Variants in CNTNAP2 observed in about 807,000 individuals in gnomAD.
CNTNAP2 encodes the protein contactin-associated protein-like 2.
Under a neutral mutation model 155.2 loss-of-function variants are expected in CNTNAP2, and 98 were observed. That is an observed-to-expected ratio of 0.63 (90% CI 0.54 to 0.75). The LOEUF (loss-of-function observed/expected upper bound fraction) is 0.75, where lower values mean the gene tolerates loss of function less well. Among genes scored for constraint, CNTNAP2 ranks in the 30% least tolerant of loss-of-function variants. The pLI, the probability that CNTNAP2 is intolerant of heterozygous loss-of-function variation, is 0.00. For missense variants in CNTNAP2, 1,727 were observed against 1,688.1 expected, an observed-to-expected ratio of 1.02 and a Z score of -0.40; for synonymous variants, 651 against 631.2, an observed-to-expected ratio of 1.03 and a Z score of -0.47.
chr7:147,857,195 T>TAATC (rs1563113312), intron 13 of CNTNAP2, among the ~76,000 whole-genome samples: 1 of 152,234 alleles, frequency 6.6e-6, no homozygotes, highest in East Asian at 1.9e-4. Flanking sequence ...ATGTAAAGGT[T>TAATC]AATCAGGATG....
chr7:146,688,701 T>C (rs1800645808), intron 1 of CNTNAP2, among the ~76,000 whole-genome samples: 1 of 152,134 alleles, frequency 6.6e-6, no homozygotes, highest in Non-Finnish European at 1.5e-5. Flanking sequence ...CTTCAGGCCA[T>C]CTGGATGTAT....
rs761596436 is a variant in CNTNAP2 at position 146,839,904 on chromosome 7, G to C, written c.402G>C (p.Trp134Cys). 6.2e-7 allele frequency: 1 copy of C among 1,614,038 alleles called. No homozygotes were observed. The highest frequency in any genetic ancestry group is 8.5e-7 in the Non-Finnish European group (1 of 1,179,994). The change falls in exon 3 of 24, where the codon TGG becomes TGC. Residue 134 changes from tryptophan to cysteine, a missense_variant and splice_region_variant. Physicochemically the swap from Trp to Cys is radical, Grantham distance 215. Coordinates refer to ENST00000361727, the MANE Select transcript of CNTNAP2 (RefSeq NM_014141.6). ...WKPYHQDGNI[W>C]AFPGNINSDG... is the part of the protein sequence containing the mutation. ...CCTATCATCAAGATGGGAATATCTG[G>C]GTAAGTCATTGGCAGGAAAGCAAAG...
At chr7:146,585,100 G>GTT (rs1563144942) in intron 1 of CNTNAP2, among the ~76,000 whole-genome samples, 1 of 122,834 alleles carries the variant, frequency 8.1e-6, no homozygotes, top group Non-Finnish European at 1.8e-5. Flanking sequence ...TGAGTATCTT[G>GTT]GTGTTTTGTT....
chr7:147,050,374 G>C (rs1318164943), intron 4 of CNTNAP2, among the ~76,000 whole-genome samples: 1 of 152,188 alleles, frequency 6.6e-6, no homozygotes, highest in African/African-American at 2.4e-5. Flanking sequence ...TTTAGTCAGA[G>C]TCCTCTTAAA....
At chr7:147,983,858 A>C (rs575210898) in intron 15 of CNTNAP2, among the ~76,000 whole-genome samples, 1 of 152,142 alleles carries the variant, frequency 6.6e-6, no homozygotes, top group East Asian at 1.9e-4. Flanking sequence ...ATAGATGGCA[A>C]ATGTTTCCAT....
intron 3 of CNTNAP2, among the ~76,000 whole-genome samples, chr7:146,967,584 G>T (rs1413324429): frequency 6.6e-6 from 1 of 152,180 alleles, no homozygotes; most frequent in Non-Finnish European, 1.5e-5. Context: ...GTGAATGGGA[G>T]TTCACACATG....
chr7:147,908,938 A>T (rs1326085629), intron 14 of CNTNAP2, among the ~76,000 whole-genome samples: 1 of 152,234 alleles, frequency 6.6e-6, no homozygotes, highest in East Asian at 1.9e-4. Flanking sequence ...TATCAGCAAA[A>T]TAGAAATAGA....
intron 1 of CNTNAP2, among the ~76,000 whole-genome samples, chr7:146,452,222 G>A (rs1796494841): frequency 6.6e-6 from 1 of 151,778 alleles, no homozygotes; most frequent in Non-Finnish European, 1.5e-5. Context: ...TATATATTTT[G>A]TCTTCATACC....
intron 8 of CNTNAP2, among the ~76,000 whole-genome samples, chr7:147,292,596 G>A (rs1018199917): frequency 2.0e-5 from 3 of 151,912 alleles, no homozygotes; most frequent in Non-Finnish European, 2.9e-5. Flanking sequence ...CTGATGATTT[G>A]GAGGAATCAG....
intron 14 of CNTNAP2, among the ~76,000 whole-genome samples, chr7:147,924,562 C>T (rs916145480): frequency 6.6e-6 from 1 of 152,290 alleles, no homozygotes; most frequent in Middle Eastern, 3.4e-3. Flanking sequence ...TTAACCTGCA[C>T]AAGACCACAC....
At chr7:146,373,862 C>T (rs1010465529) in intron 1 of CNTNAP2, among the ~76,000 whole-genome samples, 4 of 152,180 alleles carry the variant, frequency 2.6e-5, no homozygotes, top group Admixed American at 2.0e-4. Context: ...TCTGAAAATT[C>T]GAAGTAACTG....
chr7:148,162,001 C>T (rs971977482), intron 17 of CNTNAP2, among the ~76,000 whole-genome samples: 1 of 152,172 alleles, frequency 6.6e-6, no homozygotes, highest in African/African-American at 2.4e-5. Flanking sequence ...CCAGGCTTGA[C>T]CTGGGACTAG....
intron 21 of CNTNAP2, among the ~76,000 whole-genome samples, chr7:148,343,307 G>A (rs141006132): frequency 0.012 from 1,782 of 152,250 alleles, 13 homozygotes; most frequent in Non-Finnish European, 0.018. Flanking sequence ...AGTGGCTCCC[G>A]TCCCGGTGCC....
chr7:148,059,230 G>C (rs1803084158), intron 15 of CNTNAP2, among the ~76,000 whole-genome samples: 1 of 152,210 alleles, frequency 6.6e-6, no homozygotes, highest in African/African-American at 2.4e-5. Context: ...GGAGGTTGCA[G>C]TAAGTGGAGA....
At chr7:146,486,107 C>CAGG (rs1797054238) in intron 1 of CNTNAP2, among the ~76,000 whole-genome samples, 1 of 116,532 alleles carries the variant, frequency 8.6e-6, no homozygotes, top group Non-Finnish European at 1.6e-5. Flanking sequence ...CTGTGTCGCC[C>CAGG]AGGCTGGAGT....
intron 1 of CNTNAP2, among the ~76,000 whole-genome samples, chr7:146,621,271 G>A (rs528229599): frequency 6.6e-6 from 1 of 152,204 alleles, no homozygotes; most frequent in South Asian, 2.1e-4. Context: ...CGTTATCACC[G>A]ACAACCAGTT....
chr7:148,285,820 A>G (rs1797071043), intron 21 of CNTNAP2, among the ~76,000 whole-genome samples: 2 of 152,200 alleles, frequency 1.3e-5, no homozygotes, highest in South Asian at 4.1e-4. Flanking sequence ...CCCTTGAACA[A>G]CAGGAGAATT....
chr7:148,411,318 T>C (rs571195710), intron 23 of CNTNAP2, among the ~76,000 whole-genome samples: 4 of 152,312 alleles, frequency 2.6e-5, no homozygotes, highest in African/African-American at 4.8e-5. Context: ...CAGGCTGGAG[T>C]GCAGTGGCGT....
intron 13 of CNTNAP2, among the ~76,000 whole-genome samples, chr7:147,706,832 A>T (rs1190834072): frequency 1.3e-5 from 2 of 152,116 alleles, no homozygotes; most frequent in African/African-American, 4.8e-5. Flanking sequence ...TTAATTTTTT[A>T]AAATTATTTT....
Sources: allele counts gnomAD v4.1 joint callset (sites outside exome capture counted in the v4.1 genomes callset), GRCh38; gene constraint gnomAD v4.1.1; transcripts MANE v1.5; gene names NCBI Gene and HGNC (gene_info 2026-07-23, HGNC 2026-07-21).